Variants in NAALADL2 observed in about 807,000 individuals in gnomAD.
The protein encoded by NAALADL2 is N-acetylated alpha-linked acidic dipeptidase like 2, also known as inactive N-acetylated-alpha-linked acidic dipeptidase-like protein 2.
Under a neutral mutation model 87.2 loss-of-function variants are expected in NAALADL2, and 76 were observed. The ratio of observed to expected loss-of-function variants is 0.87; its 90% CI spans 0.72 to 1.05. The LOEUF is 1.05. Among genes scored for constraint, NAALADL2 ranks in the 50% least tolerant of loss-of-function variants. The probability of loss-of-function intolerance (pLI) is 0.00; values close to 1 mark genes in which losing one functional copy is unlikely to be tolerated. For synonymous variants in NAALADL2, 354 were observed against 331.0 expected, an observed-to-expected ratio of 1.07 and a Z score of -0.75; for missense variants, 1,089 against 945.8, an observed-to-expected ratio of 1.15 and a Z score of -1.99.
intron 2 of NAALADL2, among the ~76,000 whole-genome samples, chr3:174,559,334 G>A (rs1465766417): frequency 2.0e-5 from 3 of 152,102 alleles, no homozygotes; most frequent in Admixed American, 1.3e-4. Flanking sequence ...CCATACCATT[G>A]TGAAAGATTA....
chr3:175,674,000 T>G (rs950565583), intron 11 of NAALADL2, among the ~76,000 whole-genome samples: 1 of 152,078 alleles, frequency 6.6e-6, no homozygotes, highest in Non-Finnish European at 1.5e-5. Context: ...AAGATCCCTA[T>G]AATGTTATGA....
chr3:175,041,103 T>C (rs1754025646), intron 1 of NAALADL2, among the ~76,000 whole-genome samples: 1 of 152,190 alleles, frequency 6.6e-6, no homozygotes, highest in Non-Finnish European at 1.5e-5. Context: ...ATATCGTGGA[T>C]ATAGCACTTT....
intron 1 of NAALADL2, among the ~76,000 whole-genome samples, chr3:174,872,443 G>C (rs149600250): frequency 1.2e-4 from 19 of 152,290 alleles, no homozygotes; most frequent in African/African-American, 4.3e-4. Flanking sequence ...CTTGAATAGA[G>C]ATAGGCTCCT....
intron 5 of NAALADL2, among the ~76,000 whole-genome samples, chr3:175,406,067 G>T (rs1438416083): frequency 1.3e-5 from 2 of 152,144 alleles, no homozygotes; most frequent in Non-Finnish European, 2.9e-5. Context: ...AGCCGGTGTT[G>T]CAGTACAGAT....
intron 2 of NAALADL2, among the ~76,000 whole-genome samples, chr3:175,155,655 C>A (rs945750793): frequency 6.6e-6 from 1 of 151,954 alleles, no homozygotes; most frequent in African/African-American, 2.4e-5. Flanking sequence ...ATTAGCCATC[C>A]TGTTTTAATA....
chr3:174,749,665 C>A lies in NAALADL2; in HGVS notation c.-9+11919C>A, dbSNP rs148306586. On this transcript the variant is annotated intron_variant, in intron 3 of 3. Coordinates refer to the NAALADL2 transcript ENST00000434257. ...CATTGCTGAAAATTTTAATATTTTG[C>A]ATTTTGAGGTGGGTTGGGTTTCCCA... is the stretch of plus-strand genomic sequence containing the variant. 2.2e-4 allele frequency among the ~76,000 whole-genome samples: 33 copies of A among 152,174 alleles called. No individual in the cohort carries two copies. In the East Asian group the frequency reaches 5.8e-3, roughly 27 times the overall value.
At chr3:174,481,914 C>T (rs1040250135) in intron 1 of NAALADL2, among the ~76,000 whole-genome samples, 1 of 151,976 alleles carries the variant, frequency 6.6e-6, no homozygotes, top group African/African-American at 2.4e-5. Context: ...AGGTGCATCC[C>T]AAAATTCCAG....
At chr3:174,535,013 T>C (rs1358852312) in intron 1 of NAALADL2, among the ~76,000 whole-genome samples, 1 of 152,210 alleles carries the variant, frequency 6.6e-6, no homozygotes, top group African/African-American at 2.4e-5. Flanking sequence ...GTAATTTTAA[T>C]ATGTAAGTTT....
chr3:174,616,611 C>G (rs995564668), intron 2 of NAALADL2, among the ~76,000 whole-genome samples: 2 of 151,836 alleles, frequency 1.3e-5, no homozygotes, highest in African/African-American at 4.8e-5. Flanking sequence ...CTTGAATACA[C>G]ACTGGTTGAA....
At chr3:175,721,563 A>G (rs1338455393) in intron 11 of NAALADL2, among the ~76,000 whole-genome samples, 1 of 152,096 alleles carries the variant, frequency 6.6e-6, no homozygotes, top group African/African-American at 2.4e-5. Flanking sequence ...TTAGAGGATG[A>G]GCTCATAAGG....
At chr3:175,326,152 A>G (rs906571514) in intron 5 of NAALADL2, among the ~76,000 whole-genome samples, 1 of 152,212 alleles carries the variant, frequency 6.6e-6, no homozygotes, top group African/African-American at 2.4e-5. Context: ...TTTAAATTCT[A>G]CCTTCCATAA....
intron 2 of NAALADL2, among the ~76,000 whole-genome samples, chr3:174,627,471 A>G (rs1721687983): frequency 3.3e-5 from 5 of 152,224 alleles, no homozygotes; most frequent in South Asian, 4.1e-4. Flanking sequence ...AGGAACACGT[A>G]TATACTGTTT....
chr3:175,257,122 A>G (rs1750101175), intron 4 of NAALADL2: 1 of 151,802 alleles, frequency 6.6e-6, no homozygotes, highest in Non-Finnish European at 1.5e-5. Flanking sequence ...TATGTAATTA[A>G]GTTTCTGATG....
At chr3:175,133,539 G>A (rs1188681849) in intron 2 of NAALADL2, among the ~76,000 whole-genome samples, 2 of 152,316 alleles carry the variant, frequency 1.3e-5, no homozygotes, top group Middle Eastern at 3.4e-3. Context: ...GGTCAACACA[G>A]CGAAACCCCG....
chr3:175,200,422 A>G (rs1029886744), intron 2 of NAALADL2, among the ~76,000 whole-genome samples: 4 of 152,134 alleles, frequency 2.6e-5, no homozygotes, highest in African/African-American at 7.2e-5. Context: ...TTTAAACATA[A>G]CTGAAAAAAA....
At chr3:174,794,981 C>CTTTTTT (rs772447340) in intron 3 of NAALADL2, among the ~76,000 whole-genome samples, 867 of 66,704 alleles carry the variant, frequency 0.013, 165 homozygotes, top group Non-Finnish European at 0.015. Flanking sequence ...TCTAGTCCAG[C>CTTTTTT]TTTTTTTTTT....
chr3:175,087,174 C>T (rs564414309), intron 1 of NAALADL2, among the ~76,000 whole-genome samples: 56 of 152,344 alleles, frequency 3.7e-4, no homozygotes, highest in East Asian at 3.9e-4. Flanking sequence ...TCTCCCTTTT[C>T]GTATGCTGCT....
chr3:175,531,282 C>G (rs1457419013), intron 9 of NAALADL2, among the ~76,000 whole-genome samples: 1 of 152,072 alleles, frequency 6.6e-6, no homozygotes, highest in Non-Finnish European at 1.5e-5. Flanking sequence ...GTGCCTCTTT[C>G]TTGGTCATAG....
intron 2 of NAALADL2, among the ~76,000 whole-genome samples, chr3:175,098,886 A>G (rs1262630383): frequency 1.5e-5 from 2 of 131,478 alleles, no homozygotes; most frequent in Non-Finnish European, 3.3e-5. Flanking sequence ...GGTAAGGACA[A>G]TTATGTGTTT....
Sources: allele counts gnomAD v4.1 joint callset (sites outside exome capture counted in the v4.1 genomes callset), GRCh38; gene constraint gnomAD v4.1.1; transcripts MANE v1.5; gene names NCBI Gene and HGNC (gene_info 2026-07-23, HGNC 2026-07-21).